The following MTTP variants were observed in gnomAD, a reference collection of about 807,000 sequenced individuals.
MTTP encodes microsomal triglyceride transfer protein large subunit.
MTTP carries 49 observed loss-of-function variants against 90.6 expected under a neutral mutation model. That is an observed-to-expected ratio of 0.54 (90% CI 0.43 to 0.69). The LOEUF (loss-of-function observed/expected upper bound fraction) is 0.69. Among genes scored for constraint, MTTP ranks in the 30% least tolerant of loss-of-function variants. The pLI, the probability that MTTP is intolerant of heterozygous loss-of-function variation, is 0.00. For synonymous variants in MTTP, 347 were observed against 384.2 expected (o/e 0.90, Z 1.13); for missense variants, 945 against 1,067.5 (o/e 0.89, Z 1.60).
intron 3 of MTTP, among the ~76,000 whole-genome samples, chr4:99,588,382 T>G (rs1453926389): frequency 6.6e-6 from 1 of 152,172 alleles, no homozygotes; most frequent in East Asian, 1.9e-4. Flanking sequence ...AATTGTGTGA[T>G]GCATATCAAG....
At chr4:99,578,186 AAACT>A (rs1725014262) in intron 1 of MTTP, among the ~76,000 whole-genome samples, 1 of 152,236 alleles carries the variant, frequency 6.6e-6, no homozygotes, top group African/African-American at 2.4e-5. Context: ...TGAAGATTCA[AAACT>A]AACAGTTTTG....
intron 16 of MTTP, 33 bp from the exon 17 acceptor site, chr4:99,621,028 A>C: frequency 6.2e-7 from 1 of 1,600,514 alleles, no homozygotes; most frequent in Non-Finnish European, 8.6e-7. Flanking sequence ...ATATAATATG[A>C]ACAAGTTTTT....
In MTTP at chr4:99,614,913, C is replaced by A. The variant is rs900817520; in HGVS notation, c.2217+1773C>A. Among the ~76,000 whole-genome samples the A allele has an allele frequency of 2.0e-5, 3 of 152,110 alleles. No individual in the cohort carries two copies. In the East Asian group the frequency reaches 5.8e-4, roughly 29 times the overall value. ...AATGTAGAAAGGACAAAGAGCAGTG[C>A]GTCTTGTATCCCTTAATCCTCAAGT... On this transcript the variant is annotated intron_variant, in intron 15 of 17. Coordinates refer to ENST00000265517, the MANE Select transcript of MTTP (RefSeq NM_001386140.1).
intron 1 of MTTP, among the ~76,000 whole-genome samples, chr4:99,565,547 A>T (rs932026549): frequency 6.6e-6 from 1 of 152,226 alleles, no homozygotes; most frequent in African/African-American, 2.4e-5. Context: ...TATTTATTTG[A>T]CACATGTATC....
intron 3 of MTTP, among the ~76,000 whole-genome samples, chr4:99,586,989 A>AC (rs11463615): frequency 0.1 from 15,886 of 152,176 alleles, 998 homozygotes; most frequent in Middle Eastern, 0.2. Flanking sequence ...TTAGATAAGA[A>AC]CCTGTGCTCT....
chr4:99,579,918 T>A (rs992807326), intron 1 of MTTP, among the ~76,000 whole-genome samples: 4 of 150,016 alleles, frequency 2.7e-5, no homozygotes, highest in African/African-American at 4.9e-5. Flanking sequence ...GAGTGTGTGG[T>A]CCCAACTACT....
At chr4:99,601,856 A>C (rs147615888) in intron 10 of MTTP, 142 bp downstream of exon 10, 1 of 678,236 alleles carries the variant, frequency 1.5e-6, no homozygotes, top group African/African-American at 1.8e-5. Context: ...TTTGCCATCT[A>C]ACATATATTA....
intron 2 of MTTP, 129 bp from the exon 3 acceptor site, chr4:99,583,245 T>C (rs950333408): frequency 1.9e-6 from 2 of 1,070,468 alleles, no homozygotes; most frequent in South Asian, 3.1e-5. Context: ...CTATAAATCA[T>C]GAATTGAAAA....
Position 99,606,844 on chromosome 4 carries a change from C to T in MTTP, c.1441C>T (p.Leu481=), listed in dbSNP as rs772606607. The T allele has an allele frequency of 6.2e-7, 1 of 1,614,126 alleles. No individual in the cohort carries two copies. Among genetic ancestry groups the T allele is most frequent in the Non-Finnish European group, 8.5e-7 (1 of 1,180,008 alleles). Residue 481 remains leucine, a synonymous_variant, in exon 11 of 18, where the codon CTG becomes TTG. Coordinates refer to ENST00000265517, the MANE Select transcript of MTTP (RefSeq NM_001386140.1). ...RMYLLALKNA[L]LPEGIPSLLK... is the part of the protein sequence containing the mutation. ...GTATCTGCTGGCTTTGAAGAATGCCCTGCTTCCAGAAGGCATCCCAAGTCT... is the reference window on the plus strand; with the variant it reads ...GTATCTGCTGGCTTTGAAGAATGCCTTGCTTCCAGAAGGCATCCCAAGTCT...
intron 1 of MTTP, among the ~76,000 whole-genome samples, chr4:99,567,687 T>C (rs1466854245): frequency 2.0e-5 from 3 of 151,970 alleles, no homozygotes; most frequent in Non-Finnish European, 4.4e-5. Flanking sequence ...CTACTGAAAG[T>C]AGAATCCAAA....
At chr4:99,597,250 GT>G in intron 8 of MTTP, 26 bp downstream of exon 8, 4 of 1,609,938 alleles carry the variant, frequency 2.5e-6, no homozygotes, top group Non-Finnish European at 3.4e-6. Flanking sequence ...TTTGTGTGGG[GT>G]TGTCTGTCAG....
rs141576561 is a variant in MTTP at position 99,604,023 on chromosome 4, T to C, written c.1344+2309T>C. On this transcript the variant is annotated intron_variant, in intron 10 of 17. Transcript: ENST00000265517. ...TTGAGCAAACATTTTTTTTCATCTT[T>C]GAGGATAATAAGATTTGGCCATAGT... Among the ~76,000 whole-genome samples the C allele has an allele frequency of 2.3e-3, 347 of 152,228 alleles. 1 individual carries two copies. Among genetic ancestry groups the C allele is most frequent in the African/African-American group, 7.9e-3 (328 of 41,548 alleles).
intron 1 of MTTP, among the ~76,000 whole-genome samples, chr4:99,569,663 G>A (rs905501702): frequency 4.6e-5 from 7 of 151,794 alleles, no homozygotes; most frequent in Non-Finnish European, 5.9e-5. Context: ...ACTATATTCC[G>A]TCTCTCAGGG....
intron 6 of MTTP, among the ~76,000 whole-genome samples, chr4:99,592,112 G>A (rs1017306267): frequency 2.6e-5 from 4 of 152,246 alleles, no homozygotes; most frequent in Admixed American, 2.6e-4. Flanking sequence ...GTAAGTTTTT[G>A]TGTATCTAGA....
Position 99,622,821 on chromosome 4 carries a change from G to A in MTTP, c.2658G>A (p.Pro886=), listed in dbSNP as rs368664326. The A allele has an allele frequency of 1.1e-5, 18 of 1,613,918 alleles. No individual in the cohort carries two copies. The highest frequency in any genetic ancestry group is 1.6e-4 in the Middle Eastern group (1 of 6,084). The change falls in exon 18 of 18, where the codon CCG becomes CCA. Residue 886 remains proline (P), a synonymous_variant. Coordinates refer to ENST00000265517, the MANE Select transcript of MTTP (RefSeq NM_001386140.1). ...EMCKVVFAPQ[P]DSTSSGWF ...GCAAAGTGGTGTTTGCCCCTCAGCC[G>A]GATAGTACTTCCAGCGGATGGTTTT...
intron 2 of MTTP, 65 bp downstream of exon 2, chr4:99,582,157 T>G (rs1187148270): frequency 1.2e-5 from 18 of 1,509,642 alleles, no homozygotes; most frequent in Middle Eastern, 3.5e-4. Context: ...AGTGTACCAT[T>G]GGACAGCACT....
At chr4:99,576,314 T>G (rs925639980) in intron 1 of MTTP, among the ~76,000 whole-genome samples, 2 of 152,198 alleles carry the variant, frequency 1.3e-5, no homozygotes, top group African/African-American at 4.8e-5. Flanking sequence ...GAAAAATAAT[T>G]GAGACATGGT....
At chr4:99,591,625 A>G in intron 5 of MTTP, 26 bp from the exon 6 acceptor site, 1 of 1,604,694 alleles carries the variant, frequency 6.2e-7, no homozygotes, top group Non-Finnish European at 8.5e-7. Context: ...ATTACTTGTT[A>G]TAAAGATGGC....
intron 1 of MTTP, among the ~76,000 whole-genome samples, chr4:99,580,431 C>T (rs958750925): frequency 4.6e-5 from 7 of 151,138 alleles, no homozygotes; most frequent in African/African-American, 1.7e-4. Flanking sequence ...AAAAATTAGC[C>T]AGGCGTGGTG....
Sources: allele counts gnomAD v4.1 joint callset (sites outside exome capture counted in the v4.1 genomes callset), GRCh38; gene constraint gnomAD v4.1.1; transcripts MANE v1.5; gene names NCBI Gene and HGNC (gene_info 2026-07-23, HGNC 2026-07-21).